The following KDM2A variants were observed in gnomAD, a reference collection of about 807,000 sequenced individuals.
The protein encoded by KDM2A is lysine demethylase 2A.
KDM2A carries 3 observed loss-of-function variants against 137.3 expected under a neutral mutation model. The ratio of observed to expected loss-of-function variants is 0.02; its 90% confidence interval spans 0.01 to 0.06. KDM2A has a LOEUF of 0.06. Ranked by LOEUF, KDM2A falls within the 10% of genes least tolerant of loss-of-function variation. The pLI is 1.00. For missense variants in KDM2A, 738 were observed against 1,510.6 expected (o/e 0.49, Z 8.48); for synonymous variants, 512 against 541.5 (o/e 0.95, Z 0.76).
At chr11:67,133,762 C>T (rs953927108) in intron 2 of KDM2A, among the ~76,000 whole-genome samples, 2 of 150,752 alleles carry the variant, frequency 1.3e-5, no homozygotes, top group Non-Finnish European at 2.9e-5. Flanking sequence ...CGTGCAGTGG[C>T]GCCATCTCGG....
intron 5 of KDM2A, among the ~76,000 whole-genome samples, chr11:67,206,264 T>C (rs1255596385): frequency 1.1e-4 from 16 of 151,992 alleles, no homozygotes; most frequent in African/African-American, 3.6e-4. Context: ...AACGCTGACT[T>C]TACCAAAAAT....
At chr11:67,182,486 A>G (rs1472189481) in intron 5 of KDM2A, among the ~76,000 whole-genome samples, 2 of 151,816 alleles carry the variant, frequency 1.3e-5, no homozygotes, top group Non-Finnish European at 2.9e-5. Flanking sequence ...GAGACACCTC[A>G]GCATCCTTAG....
intron 2 of KDM2A, among the ~76,000 whole-genome samples, chr11:67,152,120 G>A (rs1311543947): frequency 4.6e-5 from 7 of 151,408 alleles, no homozygotes; most frequent in African/African-American, 1.5e-4. Context: ...TTGAAGAACC[G>A]CCTGGTCAAC....
intron 2 of KDM2A, among the ~76,000 whole-genome samples, chr11:67,130,129 A>AATT (rs1855821699): frequency 7.0e-6 from 1 of 143,018 alleles, no homozygotes; most frequent in African/African-American, 2.6e-5. Context: ...CACCTGGCTA[A>AATT]TTTTTTTTTT....
intron 1 of KDM2A, among the ~76,000 whole-genome samples, chr11:67,120,304 C>T (rs1258177233): frequency 1.3e-5 from 2 of 152,204 alleles, no homozygotes; most frequent in Non-Finnish European, 2.9e-5. Context: ...GGCTCTGCCT[C>T]TAACTGCTCT....
intron 2 of KDM2A, among the ~76,000 whole-genome samples, chr11:67,162,360 G>A (rs1945154761): frequency 6.6e-6 from 1 of 152,070 alleles, no homozygotes; most frequent in African/African-American, 2.4e-5. Flanking sequence ...CACCCACTGA[G>A]ATTTACAGCA....
Position 67,181,858 on chromosome 11 carries a change from A to G in KDM2A, c.273A>G (p.Pro91=). Residue 91 remains proline, a synonymous_variant, in exon 5 of 21, where the codon CCA becomes CCG. Coordinates refer to ENST00000529006, the MANE Select transcript of KDM2A (RefSeq NM_012308.3). ...GTTTGTTTCATAGAATGCCGGATCC[A>G]GACTTCACTGTGAATGATGTCAAAA... is the stretch of plus-strand genomic sequence containing the variant. The part of the protein sequence containing the change: ...SDGLGIKMPD[P]DFTVNDVKMC... The G allele has an allele frequency of 6.2e-7, 1 of 1,613,872 alleles. No individual in the cohort carries two copies. Among genetic ancestry groups the G allele is most frequent in the Non-Finnish European group, 8.5e-7 (1 of 1,179,786 alleles).
intron 2 of KDM2A, among the ~76,000 whole-genome samples, chr11:67,154,936 T>G (rs894347675): frequency 6.6e-6 from 1 of 152,276 alleles, no homozygotes; most frequent in African/African-American, 2.4e-5. Flanking sequence ...ACATTTGGGT[T>G]GTTTCTACCT....
intron 2 of KDM2A, among the ~76,000 whole-genome samples, chr11:67,146,804 A>G (rs535593907): frequency 6.6e-6 from 1 of 152,226 alleles, no homozygotes; most frequent in East Asian, 1.9e-4. Context: ...TGCCTGGAAC[A>G]TTCTTTAATA....
At chr11:67,184,417 C>A (rs1018470783) in intron 5 of KDM2A, among the ~76,000 whole-genome samples, 27 of 152,162 alleles carry the variant, frequency 1.8e-4, no homozygotes, top group Non-Finnish European at 2.8e-4. Context: ...ATCACGAGGT[C>A]AGGAGTTCGA....
chr11:67,123,332 G>C (rs1298418713), intron 2 of KDM2A, among the ~76,000 whole-genome samples: 1 of 143,270 alleles, frequency 7.0e-6, no homozygotes, highest in Non-Finnish European at 1.5e-5. Context: ...GTGTGTATTG[G>C]GAAGTATATA....
intron 5 of KDM2A, among the ~76,000 whole-genome samples, chr11:67,207,284 G>C (rs1037687383): frequency 2.6e-5 from 4 of 152,154 alleles, no homozygotes; most frequent in African/African-American, 7.2e-5. Context: ...GTCAACAACT[G>C]ACTGTATAGT....
chr11:67,207,910 A>ACACCC (rs1857859369), intron 6 of KDM2A, among the ~76,000 whole-genome samples: 1 of 152,078 alleles, frequency 6.6e-6, no homozygotes, highest in African/African-American at 2.4e-5. Context: ...ACATGTCTGT[A>ACACCC]GTTCCAGCTA....
intron 12 of KDM2A, among the ~76,000 whole-genome samples, chr11:67,232,761 G>A (rs998219771): frequency 6.6e-6 from 1 of 151,246 alleles, no homozygotes; most frequent in Non-Finnish European, 1.5e-5. Context: ...AGGTTGGAGT[G>A]CAATGGCAAG....
chr11:67,178,509 G>GA lies in KDM2A; in HGVS notation c.43-1564dup, dbSNP rs1565390671. Among the ~76,000 whole-genome samples the GA allele has an allele frequency of 2.6e-5, 4 of 152,110 alleles. No individual in the cohort carries two copies. The South Asian group carries it at 8.3e-4, about 32-fold the overall frequency. On this transcript the variant is annotated intron_variant, in intron 2 of 20. Coordinates refer to ENST00000529006, the MANE Select transcript of KDM2A (RefSeq NM_012308.3). ...ATTCCAGAACATTTTCATTGCTCTTGAAAAAACCCATACTATTAACAGTCA... is the reference window on the plus strand; with the variant it reads ...ATTCCAGAACATTTTCATTGCTCTTGAAAAAAACCCATACTATTAACAGTCA...
Position 67,180,083 on chromosome 11 carries a change from G to C in KDM2A, c.47G>C (p.Gly16Ala). ...GTATGTTCCTTTCTTTCCTAGCGTG[G>C]TACCATGCGACGACGCTATGAAGAT... is the stretch of plus-strand genomic sequence containing the variant. ...ERIRYSQRLR[G>A]TMRRRYEDDG... is the part of the protein sequence containing the mutation. The change falls in exon 3 of 21, where the codon GGT becomes GCT. Residue 16 changes from glycine to alanine, a missense_variant. Transcript: ENST00000529006. 6.2e-7 allele frequency: 1 copy of C among 1,613,308 alleles called. No individual in the cohort carries two copies. The highest frequency in any genetic ancestry group is 2.2e-5 in the East Asian group (1 of 44,838).
chr11:67,179,055 C>G (rs891368404), intron 2 of KDM2A, among the ~76,000 whole-genome samples: 4 of 152,164 alleles, frequency 2.6e-5, no homozygotes, highest in African/African-American at 7.2e-5. Flanking sequence ...TTCACATCAG[C>G]ACTTGTTATT....
chr11:67,249,947 A>G (rs1859356958), intron 16 of KDM2A, 139 bp from the exon 17 acceptor site: 1 of 681,304 alleles, frequency 1.5e-6, no homozygotes, highest in African/African-American at 2.1e-5. Flanking sequence ...GCCTGGGCCG[A>G]CTCTGAGGGA....
At chr11:67,232,371 G>A (rs78909794) in intron 12 of KDM2A, among the ~76,000 whole-genome samples, 4,704 of 152,284 alleles carry the variant, frequency 0.031, 99 homozygotes, top group Non-Finnish European at 0.044. Context: ...CTGGGTTAAC[G>A]TTGAGTAGCT....
Sources: allele counts gnomAD v4.1 joint callset (sites outside exome capture counted in the v4.1 genomes callset), GRCh38; gene constraint gnomAD v4.1.1; transcripts MANE v1.5; gene names NCBI Gene and HGNC (gene_info 2026-07-23, HGNC 2026-07-21).